The following DOCK3 variants were observed in gnomAD, a reference collection of about 807,000 sequenced individuals.
DOCK3 encodes dedicator of cytokinesis 3, also known as dedicator of cytokinesis protein 3.
In DOCK3, 60 loss-of-function variants were observed where a neutral mutation model predicts 265.6. The observed-to-expected ratio is 0.23, with a 90% CI of 0.18 to 0.28. The LOEUF is 0.28. Among genes scored for constraint, DOCK3 ranks in the 10% least tolerant of loss-of-function variants. DOCK3 has a pLI of 1.00. For synonymous variants in DOCK3, 881 were observed against 938.0 expected, an observed-to-expected ratio of 0.94 and a Z score of 1.11; for missense variants, 1,981 against 2,594.3, an observed-to-expected ratio of 0.76 and a Z score of 5.14.
intron 5 of DOCK3, among the ~76,000 whole-genome samples, chr3:51,062,971 A>G (rs1305198062): frequency 6.6e-6 from 1 of 152,176 alleles, no homozygotes; most frequent in East Asian, 1.9e-4. Context: ...AGCATTGTGT[A>G]CCATCAGGAT....
chr3:50,687,471 A>G (rs536581087), intron 1 of DOCK3, among the ~76,000 whole-genome samples: 4 of 152,338 alleles, frequency 2.6e-5, no homozygotes, highest in South Asian at 4.1e-4. Context: ...AGCTGCTTTC[A>G]TAACTCAAAA....
At chr3:50,951,430 C>T (rs1368809214) in intron 5 of DOCK3, among the ~76,000 whole-genome samples, 1 of 152,098 alleles carries the variant, frequency 6.6e-6, no homozygotes, top group Non-Finnish European at 1.5e-5. Flanking sequence ...AATGAAAAAC[C>T]AGTATTTTTT....
At chr3:50,911,176 T>G (rs1014188590) in intron 4 of DOCK3, among the ~76,000 whole-genome samples, 1 of 152,178 alleles carries the variant, frequency 6.6e-6, no homozygotes, top group Non-Finnish European at 1.5e-5. Flanking sequence ...TCATCCCATT[T>G]GTCTGTTTTT....
chr3:51,111,612 C>T (rs1166167310), intron 9 of DOCK3, among the ~76,000 whole-genome samples: 1 of 151,158 alleles, frequency 6.6e-6, no homozygotes, highest in Admixed American at 6.6e-5. Context: ...ATATAAAAAC[C>T]CTGGAAGACA....
At chr3:50,808,898 A>G (rs964679487) in intron 2 of DOCK3, among the ~76,000 whole-genome samples, 4 of 152,200 alleles carry the variant, frequency 2.6e-5, no homozygotes, top group African/African-American at 7.2e-5. Context: ...ATGATACTGG[A>G]CCAATACCGA....
intron 1 of DOCK3, among the ~76,000 whole-genome samples, chr3:50,703,077 T>G (rs1185516271): frequency 7.2e-5 from 11 of 152,230 alleles, no homozygotes; most frequent in Non-Finnish European, 1.6e-4. Context: ...TTGAGTGTTT[T>G]TTTCTGCATC....
At chr3:51,005,870 C>T (rs1213064449) in intron 5 of DOCK3, among the ~76,000 whole-genome samples, 1 of 152,064 alleles carries the variant, frequency 6.6e-6, no homozygotes, top group East Asian at 1.9e-4. Context: ...ATTCTTTTGC[C>T]TAAAACCCTC....
intron 12 of DOCK3, among the ~76,000 whole-genome samples, chr3:51,193,987 A>G (rs2088114084): frequency 6.6e-6 from 1 of 151,770 alleles, no homozygotes; most frequent in African/African-American, 2.4e-5. Context: ...TCCTTGAGAT[A>G]CATTGTTAGA....
intron 3 of DOCK3, among the ~76,000 whole-genome samples, chr3:50,852,954 C>T (rs2046411352): frequency 2.0e-5 from 3 of 152,100 alleles, no homozygotes; most frequent in Non-Finnish European, 4.4e-5. Context: ...TGTTTTGGTA[C>T]TTGCATACAA....
chr3:51,098,677 A>G (rs749111358), intron 9 of DOCK3, among the ~76,000 whole-genome samples: 10 of 152,210 alleles, frequency 6.6e-5, no homozygotes, highest in Admixed American at 4.6e-4. Flanking sequence ...CCTGCAATTT[A>G]GTCTTGGTCC....
rs766619986 is a variant in DOCK3, at chr3:51,236,333, A to G, written c.1918-12A>G. 2.5e-5 allele frequency: 40 copies of G among 1,608,140 alleles called. No individual in the cohort carries two copies. The highest frequency in any genetic ancestry group is 3.3e-5 in the South Asian group (3 of 90,966). On this transcript the variant is annotated splice_polypyrimidine_tract_variant and intron_variant, in intron 19 of 52. Transcript: ENST00000266037. Reference sequence around the variant, plus strand: ...CTGAGACCTGAGCCCTCTGCTTTTTATGTTGTTTTAGTTTCTGCAGGACAT... The same window carrying G: ...CTGAGACCTGAGCCCTCTGCTTTTTGTGTTGTTTTAGTTTCTGCAGGACAT...
intron 6 of DOCK3, among the ~76,000 whole-genome samples, chr3:51,066,003 G>A (rs987805661): frequency 2.0e-5 from 3 of 152,088 alleles, no homozygotes; most frequent in East Asian, 3.8e-4. Context: ...TCCTCAAATC[G>A]AATCTAAAAG....
Position 50,675,347 on chromosome 3 carries a change from GC to G in DOCK3, c.37+50del. The G allele has an allele frequency of 8.3e-7, 1 of 1,199,750 alleles. No homozygotes were observed. The allele number at this position is 1,199,750 out of a possible 1,614,324, so 74.3% of individuals were successfully genotyped here. ...CCGTGGCGGGGGTTCTGGGGGACGC[GC>G]CCAGCTCCCGGCCCCGCCTGGATTC... is the stretch of plus-strand genomic sequence containing the variant. On this transcript the variant is annotated intron_variant, in intron 1 of 52. Transcript: ENST00000266037. The surrounding 1 kb of genome is among the most constrained non-coding windows in gnomAD (Gnocchi z 6.1).
chr3:50,877,418 G>T (rs2047759480), intron 3 of DOCK3: 1 of 519,704 alleles, frequency 1.9e-6, no homozygotes, highest in Non-Finnish European at 3.9e-6. Context: ...CTTTCCAATG[G>T]CCCAGAAATC....
At chr3:51,303,896 C>T (rs906348700) in intron 27 of DOCK3, among the ~76,000 whole-genome samples, 5 of 152,164 alleles carry the variant, frequency 3.3e-5, no homozygotes, top group East Asian at 1.9e-4. Flanking sequence ...TCAGGGGGCA[C>T]GGAATCTGGG....
chr3:50,817,032 A>G (rs1375653177), intron 2 of DOCK3, among the ~76,000 whole-genome samples: 1 of 152,238 alleles, frequency 6.6e-6, no homozygotes, highest in Admixed American at 6.5e-5. Flanking sequence ...GCTACTCCAT[A>G]GACTGAGCAG....
intron 22 of DOCK3, among the ~76,000 whole-genome samples, chr3:51,259,470 G>A (rs2079735200): frequency 6.6e-6 from 1 of 152,074 alleles, no homozygotes; most frequent in Non-Finnish European, 1.5e-5. Context: ...GTAAGCATGG[G>A]CCAAGCGTCA....
Position 51,241,934 on chromosome 3 carries a change from C to T in DOCK3, c.2102+4344C>T, listed in dbSNP as rs2108521948. Reference sequence around the variant, plus strand: ...GAATTCTATTTCTGTCATTTCAGCCCTCTCAGCCCAGTTCAGAACCCTTGC... The same window carrying T: ...GAATTCTATTTCTGTCATTTCAGCCTTCTCAGCCCAGTTCAGAACCCTTGC... On this transcript the variant is annotated intron_variant, in intron 21 of 52. Transcript: ENST00000266037. 1.3e-5 allele frequency among the ~76,000 whole-genome samples: 2 copies of T among 152,278 alleles called. 1 individual carries two copies. Among genetic ancestry groups the T allele is most frequent in the Middle Eastern group, 6.8e-3 (2 of 294 alleles).
intron 25 of DOCK3, chr3:51,276,550 A>G: frequency 1.3e-5 from 7 of 523,872 alleles, no homozygotes; most frequent in African/African-American, 2.1e-5. Context: ...TGTTATGATC[A>G]GTTCGACAGA....
Sources: allele counts gnomAD v4.1 joint callset (sites outside exome capture counted in the v4.1 genomes callset), GRCh38; gene constraint gnomAD v4.1.1; non-coding constraint Gnocchi (gnomAD v3.1); transcripts MANE v1.5; gene names NCBI Gene and HGNC (gene_info 2026-07-23, HGNC 2026-07-21).